The following HNF4A variants were observed in gnomAD, a reference collection of about 807,000 sequenced individuals.
HNF4A encodes hepatocyte nuclear factor 4-alpha.
A neutral mutation model predicts 52.4 loss-of-function variants in HNF4A; 15 were observed. That is an observed-to-expected ratio of 0.29 (90% CI 0.19 to 0.44). HNF4A has a LOEUF of 0.44. Among genes scored for constraint, HNF4A ranks in the 20% least tolerant of loss-of-function variants. HNF4A has a pLI of 1.00. For synonymous variants in HNF4A, 280 were observed against 264.4 expected, an observed-to-expected ratio of 1.06 and a Z score of -0.57; for missense variants, 479 against 647.2, an observed-to-expected ratio of 0.74 and a Z score of 2.82.
At chr20:44,390,790 C>G in intron 1 of HNF4A, 1 of 636,712 alleles carries the variant, frequency 1.6e-6, no homozygotes, top group Non-Finnish European at 2.8e-6. Context: ...GATTTGTACC[C>G]TCATCCCCTA....
chr20:44,380,229 A>G (rs998070849), intron 1 of HNF4A, among the ~76,000 whole-genome samples: 5 of 152,208 alleles, frequency 3.3e-5, no homozygotes. Context: ...GATGTTAAGT[A>G]TCTTTTTATG....
intron 1 of HNF4A, among the ~76,000 whole-genome samples, chr20:44,369,354 C>T (rs922259566): frequency 8.6e-5 from 13 of 150,306 alleles, no homozygotes; most frequent in Non-Finnish European, 2.9e-5. Context: ...CGTTTGAACC[C>T]AGGAGGTCGA....
At chr20:44,402,619 A>T in intron 1 of HNF4A, 1 of 1,364,696 alleles carries the variant, frequency 7.3e-7, no homozygotes. Context: ...GCATATCTGG[A>T]GGGGTGGACA....
chr20:44,371,516 GTC>G (rs1290279524), intron 1 of HNF4A, among the ~76,000 whole-genome samples: 1 of 152,036 alleles, frequency 6.6e-6, no homozygotes, highest in Non-Finnish European at 1.5e-5. Flanking sequence ...GCAAGATTCT[GTC>G]TCTACAAAAA....
At chr20:44,363,153 G>T (rs953892451) in intron 1 of HNF4A, among the ~76,000 whole-genome samples, 4 of 152,044 alleles carry the variant, frequency 2.6e-5, no homozygotes, top group African/African-American at 9.7e-5. Flanking sequence ...ACTGCGCCCG[G>T]CCGACCCAAT....
intron 5 of HNF4A, among the ~76,000 whole-genome samples, chr20:44,416,296 T>G (rs1416813412): frequency 6.6e-6 from 1 of 152,222 alleles, no homozygotes; most frequent in African/African-American, 2.4e-5. Context: ...GCTTCCCAAT[T>G]TTGTTGACAT....
intron 7 of HNF4A, among the ~76,000 whole-genome samples, chr20:44,420,868 T>C (rs2063735102): frequency 6.6e-6 from 1 of 152,132 alleles, no homozygotes; most frequent in Non-Finnish European, 1.5e-5. Flanking sequence ...AAAATGCAAA[T>C]ACTTCTCCCC....
intron 3 of HNF4A, chr20:44,408,066 C>A (rs1308439907): frequency 1.8e-5 from 3 of 167,462 alleles, no homozygotes; most frequent in Non-Finnish European, 2.7e-5. Context: ...TAAGGTCTTG[C>A]CAGGCTTCCT....
rs1016237292 is a variant in HNF4A at position 44,430,753 on chromosome 20, G to T, written c.*1088G>T. 1 of 151,140 alleles carries T rather than the reference G, an allele frequency of 6.6e-6. No individual in the cohort carries two copies. Among genetic ancestry groups the T allele is most frequent in the African/African-American group, 2.5e-5 (1 of 39,912 alleles). The allele number at this position is 151,140 out of a possible 1,614,324, so 9.4% of individuals were successfully genotyped here. Reference sequence around the variant, plus strand: ...GAACACAGCAGTTCTGCAGAGGACGGGAGGCTGGAAGCTGGGAGGTCAGGT... The same window carrying T: ...GAACACAGCAGTTCTGCAGAGGACGTGAGGCTGGAAGCTGGGAGGTCAGGT... On this transcript the variant is annotated 3_prime_UTR_variant, in exon 10 of 10. Coordinates refer to ENST00000316099, the MANE Select transcript of HNF4A (RefSeq NM_000457.6).
chr20:44,404,440 C>T (rs184762093), intron 1 of HNF4A, among the ~76,000 whole-genome samples: 1 of 152,134 alleles, frequency 6.6e-6, no homozygotes, highest in Non-Finnish European at 1.5e-5. Context: ...CTGAGGAATC[C>T]AAGGTTGGAT....
upstream of HNF4A, among the ~76,000 whole-genome samples, chr20:44,397,570 T>G (rs995932527): frequency 6.6e-6 from 1 of 152,126 alleles, no homozygotes; most frequent in South Asian, 2.1e-4. Flanking sequence ...TCTTATTCCT[T>G]CTATCTCACT....
At position 44,401,261 on chromosome 20, in the gene HNF4A, G is replaced by C. The variant is rs1419664095; in HGVS notation, c.-112G>C. ...AGCAGATCTTCCCAGAGGACGGTTT[G>C]AAAGGAAGGCAGAGAGGGCACTGGG... On this transcript the variant is annotated 5_prime_UTR_variant, in exon 1 of 10. Coordinates refer to ENST00000316099, the MANE Select transcript of HNF4A (RefSeq NM_000457.6). 1.9e-6 allele frequency: 3 copies of C among 1,576,250 alleles called. No individual in the cohort carries two copies. In the African/African-American group the frequency reaches 4.1e-5, roughly 21 times the overall value.
chr20:44,380,441 G>A (rs905912962), intron 1 of HNF4A, among the ~76,000 whole-genome samples: 1 of 151,998 alleles, frequency 6.6e-6, no homozygotes, highest in Non-Finnish European at 1.5e-5. Flanking sequence ...GACTACAGGT[G>A]TGCAGCATGC....
chr20:44,407,618 C>A, intron 3 of HNF4A, 143 bp downstream of exon 3: 1 of 716,842 alleles, frequency 1.4e-6, no homozygotes, highest in Non-Finnish European at 2.5e-6. Context: ...AGAGGGAGGG[C>A]CTGGAAATCT....
chr20:44,364,412 A>G lies in HNF4A; in HGVS notation c.49+8559A>G, dbSNP rs918783856. ...GTTCAAAAATATTTGGAAAATCAGA[A>G]GACCACACCAGTGTGTTTCAAACTG... On this transcript the variant is annotated intron_variant, in intron 1 of 9. Transcript: ENST00000316673. Among the ~76,000 whole-genome samples, 13 of 152,324 alleles carry G rather than the reference A, an allele frequency of 8.5e-5. 1 individual carries two copies. The South Asian group carries it at 2.7e-3, about 32-fold the overall frequency.
At chr20:44,382,525 T>G (rs972468928) in intron 1 of HNF4A, among the ~76,000 whole-genome samples, 1 of 152,124 alleles carries the variant, frequency 6.6e-6, no homozygotes, top group Non-Finnish European at 1.5e-5. Context: ...GCATGAGCCA[T>G]GCCGCTGCAC....
rs2063881255 is a variant in HNF4A, at chr20:44,431,820, A to G, written c.*2155A>G. 1 of 152,200 alleles carries G rather than the reference A, an allele frequency of 6.6e-6. No individual in the cohort carries two copies. The highest frequency in any genetic ancestry group is 1.5e-5 in the Non-Finnish European group (1 of 68,116). The allele number at this position is 152,200 out of a possible 1,614,324, so 9.4% of individuals were successfully genotyped here. Reference sequence around the variant, plus strand: ...CCCAGTGCCCAGAAATCCCACCATTAGTGATTGTTTTTTATGAGAAAGAGG... The same window carrying G: ...CCCAGTGCCCAGAAATCCCACCATTGGTGATTGTTTTTTATGAGAAAGAGG... On this transcript the variant is annotated 3_prime_UTR_variant, in exon 10 of 10. Coordinates refer to ENST00000316099, the MANE Select transcript of HNF4A (RefSeq NM_000457.6).
At chr20:44,428,071 G>T (rs572256890) in intron 8 of HNF4A, among the ~76,000 whole-genome samples, 1 of 152,132 alleles carries the variant, frequency 6.6e-6, no homozygotes, top group Non-Finnish European at 1.5e-5. Flanking sequence ...GAACATTTAC[G>T]TGATCTCAGA....
intron 1 of HNF4A, chr20:44,401,619 G>A (rs542002939): frequency 2.6e-6 from 3 of 1,168,888 alleles, no homozygotes; most frequent in Middle Eastern, 2.0e-4. Context: ...CTACAGGCCA[G>A]CACAGGTGTT....
Sources: allele counts gnomAD v4.1 joint callset (sites outside exome capture counted in the v4.1 genomes callset), GRCh38; gene constraint gnomAD v4.1.1; transcripts MANE v1.5; gene names NCBI Gene and HGNC (gene_info 2026-07-23, HGNC 2026-07-21).